INPP5E: variants seen among roughly 807,000 people sequenced by gnomAD.
INPP5E encodes phosphatidylinositol polyphosphate 5-phosphatase type IV.
Under a neutral mutation model 50.5 loss-of-function variants are expected in INPP5E, and 34 were observed. That is an observed-to-expected ratio of 0.67 (90% confidence interval 0.51 to 0.90). The LOEUF (loss-of-function observed/expected upper bound fraction) is 0.90. INPP5E is among the 40% of genes least tolerant of loss of function. The pLI is 0.00. For missense variants in INPP5E, 942 were observed against 905.5 expected (o/e 1.04, Z -0.52); for synonymous variants, 447 against 406.0 (o/e 1.10, Z -1.21).
At position 136,439,608 on chromosome 9, in the gene INPP5E, C is replaced by T. The variant is rs1835945253; in HGVS notation, c.-189G>A. ...GCCCGGGCCCCGAGTCCCGCCAGCCCCTCGGGGCTCCCAGACGCCGTTCCC... is the reference window on the plus strand; with the variant it reads ...GCCCGGGCCCCGAGTCCCGCCAGCCTCTCGGGGCTCCCAGACGCCGTTCCC... On this transcript the variant is annotated 5_prime_UTR_variant, in exon 1 of 10. Transcript: ENST00000371712. 7.9e-6 allele frequency: 3 copies of T among 381,870 alleles called. No individual in the cohort carries two copies. The highest frequency in any genetic ancestry group is 7.0e-4 in the Middle Eastern group (1 of 1,422). The allele number at this position is 381,870 out of a possible 1,614,324, so 23.7% of individuals were successfully genotyped here.
At chr9:136,438,586 G>T in intron 1 of INPP5E, 22 bp downstream of exon 1, 1 of 1,416,438 alleles carries the variant, frequency 7.1e-7, no homozygotes, top group Non-Finnish European at 9.2e-7. Context: ...CGCGGGCGCT[G>T]CACCCGCCAG....
At chr9:136,433,876 C>T (rs1312792657) in intron 3 of INPP5E, among the ~76,000 whole-genome samples, 161 bp downstream of exon 3, 3 of 151,928 alleles carry the variant, frequency 2.0e-5, no homozygotes, top group Non-Finnish European at 4.4e-5. Context: ...AGATCTGTGC[C>T]CGGCCACGAA....
In INPP5E at chr9:136,438,849, G is replaced by A. The variant is rs1291740539; in HGVS notation, c.571C>T (p.Pro191Ser). The stretch of plus-strand genomic sequence containing the variant: ...AGGCTCAGGGCAGGCGGTGGGCGCG[G>A]GGGCAGCAGGCTGGGCAGCCTGGGC... ...SSPRLPSLLPPRPPPALSLDI... is the reference protein window; with the variant it reads ...SSPRLPSLLPSRPPPALSLDI... Residue 191 changes from proline to serine, a missense_variant, in exon 1 of 10, where the codon CCG (proline) becomes TCG (serine). By Grantham distance (74) the Pro-to-Ser change is moderately conservative (BLOSUM62 -1). Coordinates refer to ENST00000371712, the MANE Select transcript of INPP5E (RefSeq NM_019892.6). 6.9e-6 allele frequency: 11 copies of A among 1,605,332 alleles called. No individual in the cohort carries two copies. The highest frequency in any genetic ancestry group is 9.3e-6 in the Non-Finnish European group (11 of 1,176,520).
chr9:136,429,907 C>A, intron 9 of INPP5E, 100 bp from the exon 10 acceptor site: 1 of 874,852 alleles, frequency 1.1e-6, no homozygotes, highest in East Asian at 2.5e-5. Context: ...AAGAGGACAC[C>A]CAGGGCCAGG....
At chr9:136,433,668 C>T (rs1221503156) in intron 3 of INPP5E, among the ~76,000 whole-genome samples, 4 of 152,352 alleles carry the variant, frequency 2.6e-5, no homozygotes, top group South Asian at 4.1e-4. Context: ...GGCCCTGCTC[C>T]GGCTGCCCTT....
Position 136,429,316 on chromosome 9 carries a change from T to G in INPP5E, c.*359A>C. ...GAGGCTGGTGCAGAGCACGGGGGTG[T>G]TGGGGGGCTCTGTGACTGCCCCCAG... On this transcript the variant is annotated 3_prime_UTR_variant, in exon 10 of 10. Transcript: ENST00000371712. 2.5e-6 allele frequency: 1 copy of G among 393,790 alleles called. No homozygotes were observed. The highest frequency in any genetic ancestry group is 4.9e-6 in the Non-Finnish European group (1 of 206,112). 24.4% of individuals were successfully genotyped at this position (393,790 alleles called of 1,614,324 possible).
intron 5 of INPP5E, among the ~76,000 whole-genome samples, 157 bp from the exon 6 acceptor site, chr9:136,432,743 C>A (rs567732281): frequency 2.6e-5 from 4 of 152,246 alleles, no homozygotes; most frequent in African/African-American, 9.6e-5. Context: ...ATTTCCGCCT[C>A]GGAGGACAGA....
At chr9:136,434,485 C>T (rs1487706922) in intron 2 of INPP5E, among the ~76,000 whole-genome samples, 1 of 151,614 alleles carries the variant, frequency 6.6e-6, no homozygotes, top group Non-Finnish European at 1.5e-5. Flanking sequence ...AGGTGATTCT[C>T]GGCCAGGCCC....
intron 9 of INPP5E, 126 bp downstream of exon 9, chr9:136,430,151 C>T: frequency 2.4e-6 from 3 of 1,258,496 alleles, no homozygotes; most frequent in Non-Finnish European, 3.3e-6. Context: ...TCCCGGGGAA[C>T]ACAGCCCTGA....
In INPP5E at chr9:136,439,479, G is replaced by A. The variant is rs1835939892; in HGVS notation, c.-60C>T. 2.3e-6 allele frequency: 3 copies of A among 1,289,754 alleles called. No individual in the cohort carries two copies. Among genetic ancestry groups the A allele is most frequent in the Non-Finnish European group, 3.0e-6 (3 of 990,540 alleles). The allele number at this position is 1,289,754 out of a possible 1,614,324, so 79.9% of individuals were successfully genotyped here. On this transcript the variant is annotated 5_prime_UTR_variant, in exon 1 of 10. Transcript: ENST00000371712. The stretch of plus-strand genomic sequence containing the variant: ...GCCGCAGGCAGCGCGAGGGGTCACG[G>A]GTGCCGGGTCCGGGGTCGCCGGCGC...
At position 136,430,268 on chromosome 9, in the gene INPP5E, AAC is replaced by A; in HGVS notation, c.1802+7_1802+8del. The A allele has an allele frequency of 6.4e-7, 1 of 1,551,248 alleles. No individual in the cohort carries two copies. On this transcript the variant is annotated splice_region_variant and intron_variant, in intron 9 of 9. Transcript: ENST00000371712. ...GCCCAAGGGGGAAGGTGAGCGGGAG[AAC>A]ACTGACTTGTCTCGCCCCGGCCTCA...
At chr9:136,435,822 T>G (rs1835816769) in intron 1 of INPP5E, 1 of 152,246 alleles carries the variant, frequency 6.6e-6, no homozygotes, top group Admixed American at 6.5e-5. Context: ...GACGCTTGAT[T>G]TACAGACACT....
At chr9:136,431,185 A>C (rs1588832010) in intron 7 of INPP5E, 68 bp from the exon 8 acceptor site, 16 of 967,248 alleles carry the variant, frequency 1.7e-5, no homozygotes, top group South Asian at 4.1e-5. Flanking sequence ...CCAGGCCCTC[A>C]CCTCTCCTCA....
At chr9:136,438,025 G>C (rs1835865636) in intron 1 of INPP5E, 1 of 158,208 alleles carries the variant, frequency 6.3e-6, no homozygotes, top group South Asian at 1.9e-4. Context: ...GGGCGCAGTG[G>C]CCCACGCCGG....
chr9:136,432,894 C>G, intron 5 of INPP5E, 62 bp downstream of exon 5: 3 of 1,587,018 alleles, frequency 1.9e-6, no homozygotes, highest in Non-Finnish European at 2.6e-6. Context: ...TGGACAGGGT[C>G]CCGGTCAGGA....
chr9:136,429,873 C>A lies in INPP5E; in HGVS notation c.1803-66G>T, dbSNP rs375147334. On this transcript the variant is annotated intron_variant, in intron 9 of 9. Transcript: ENST00000371712. ...AGGAGGAGGGGGCGTTAGGAGGGGG[C>A]CGGCCCCGGAGGAGGGGGCATTTAA... 4.3e-4 allele frequency: 547 copies of A among 1,262,272 alleles called. 8 individuals carry two copies. The East Asian group carries it at 0.011, about 25-fold the overall frequency. 78.2% of individuals were successfully genotyped at this position (1,262,272 alleles called of 1,614,324 possible). A position where few individuals can be genotyped will look rare whatever the true frequency, so the allele number is the denominator to read the frequency against.
intron 2 of INPP5E, 44 bp from the exon 3 acceptor site, chr9:136,434,178 T>G: frequency 7.2e-7 from 1 of 1,381,438 alleles, no homozygotes; most frequent in Non-Finnish European, 1.0e-6. Context: ...TCCCGAAACC[T>G]GCAGGCGCCT....
Position 136,439,444 on chromosome 9 carries a change from T to TCGGCGCGAGGCCGCAGG in INPP5E, c.-42_-26dup. The TCGGCGCGAGGCCGCAGG allele has an allele frequency of 7.0e-7, 1 of 1,429,300 alleles. No homozygotes were observed. The highest frequency in any genetic ancestry group is 9.1e-7 in the Non-Finnish European group (1 of 1,093,030). The allele number at this position is 1,429,300 out of a possible 1,614,324, so 88.5% of individuals were successfully genotyped here. Reference sequence around the variant, plus strand: ...TGGACGGTCTCTCCCGGGGCAGGCCTCGGCGCGAGGCCGCAGGCAGCGCGA... The same window carrying TCGGCGCGAGGCCGCAGG: ...TGGACGGTCTCTCCCGGGGCAGGCCTCGGCGCGAGGCCGCAGGCGGCGCGAGGCCGCAGGCAGCGCGA... On this transcript the variant is annotated 5_prime_UTR_variant, in exon 1 of 10. Coordinates refer to ENST00000371712, the MANE Select transcript of INPP5E (RefSeq NM_019892.6).
chr9:136,435,483 A>T (rs1005816535), intron 1 of INPP5E: 1 of 153,090 alleles, frequency 6.5e-6, no homozygotes, highest in African/African-American at 2.4e-5. Flanking sequence ...AGTAGCTGGG[A>T]CTCCAGGTGC....
Sources: allele counts gnomAD v4.1 joint callset (sites outside exome capture counted in the v4.1 genomes callset), GRCh38; gene constraint gnomAD v4.1.1; transcripts MANE v1.5; gene names NCBI Gene and HGNC (gene_info 2026-07-23, HGNC 2026-07-21).